Variants in LUZP2 observed in about 807,000 individuals in gnomAD.
The protein encoded by LUZP2 is leucine zipper protein 2.
A neutral mutation model predicts 51.6 loss-of-function variants in LUZP2; 52 were observed. That is an observed-to-expected ratio of 1.01 (90% CI 0.81 to 1.27). The LOEUF (loss-of-function observed/expected upper bound fraction) is 1.27, where lower values mean the gene tolerates loss of function less well. Ranked by LOEUF, LUZP2 falls within the 50% of genes most tolerant of loss-of-function variation. The probability of loss-of-function intolerance (pLI) is 0.00; values close to 1 mark genes in which losing one functional copy is unlikely to be tolerated. For missense variants in LUZP2, 436 were observed against 395.4 expected (o/e 1.10, Z -0.87); for synonymous variants, 154 against 137.3 (o/e 1.12, Z -0.85).
intron 10 of LUZP2, among the ~76,000 whole-genome samples, chr11:25,051,455 C>T (rs1273079104): frequency 6.6e-6 from 1 of 152,138 alleles, no homozygotes; most frequent in South Asian, 2.1e-4. Flanking sequence ...AATTTACTTC[C>T]AAAGGAGGAG....
chr11:24,778,672 G>C (rs1849009225), intron 5 of LUZP2, among the ~76,000 whole-genome samples: 1 of 152,088 alleles, frequency 6.6e-6, no homozygotes, highest in African/African-American at 2.4e-5. Context: ...ACATAAAAAG[G>C]AAGAAAGGAA....
intron 1 of LUZP2, among the ~76,000 whole-genome samples, chr11:24,655,556 A>G (rs890723850): frequency 2.6e-5 from 4 of 152,186 alleles, no homozygotes; most frequent in Non-Finnish European, 5.9e-5. Context: ...TAACATGAAA[A>G]TTGGTAAAAT....
At chr11:24,852,499 A>G in intron 5 of LUZP2, among the ~76,000 whole-genome samples, 1 of 152,012 alleles carries the variant, frequency 6.6e-6, no homozygotes, top group East Asian at 1.9e-4. Context: ...CTTATTTTGC[A>G]TTTGCTGAGG....
intron 6 of LUZP2, among the ~76,000 whole-genome samples, chr11:24,911,060 G>T (rs759082438): frequency 2.6e-5 from 4 of 152,154 alleles, no homozygotes; most frequent in Non-Finnish European, 5.9e-5. Flanking sequence ...TAATGACTGC[G>T]CTATTGGCTT....
chr11:24,907,046 C>T (rs1381628486), intron 6 of LUZP2, among the ~76,000 whole-genome samples: 1 of 152,122 alleles, frequency 6.6e-6, no homozygotes, highest in Admixed American at 6.5e-5. Flanking sequence ...TGCCACTATC[C>T]TCTTCCAGCA....
chr11:25,034,014 C>A (rs926300228), intron 9 of LUZP2, among the ~76,000 whole-genome samples: 1 of 152,090 alleles, frequency 6.6e-6, no homozygotes, highest in African/African-American at 2.4e-5. Context: ...GACTCCTTTC[C>A]ACAGCAACTG....
chr11:24,630,926 A>G (rs1854867555), intron 1 of LUZP2, among the ~76,000 whole-genome samples: 2 of 151,774 alleles, frequency 1.3e-5, no homozygotes, highest in Non-Finnish European at 2.9e-5. Flanking sequence ...TACTTGGTTA[A>G]ATATATGTCT....
chr11:24,694,838 G>T (rs564789132), intron 1 of LUZP2, among the ~76,000 whole-genome samples: 1 of 151,602 alleles, frequency 6.6e-6, no homozygotes, highest in South Asian at 2.1e-4. Context: ...ACTAAACGCC[G>T]CATGTTCTCA....
chr11:24,792,324 G>A (rs1269462715), intron 5 of LUZP2, among the ~76,000 whole-genome samples: 1 of 151,920 alleles, frequency 6.6e-6, no homozygotes, highest in East Asian at 1.9e-4. Flanking sequence ...CTACTTGGGA[G>A]GCTGAGGCAG....
chr11:24,626,576 C>G (rs946135434), intron 1 of LUZP2, among the ~76,000 whole-genome samples: 3 of 152,042 alleles, frequency 2.0e-5, no homozygotes, highest in Non-Finnish European at 4.4e-5. Flanking sequence ...GATGGGAGAC[C>G]AGAAATCAAT....
At chr11:25,068,020 A>G (rs1859046266) in intron 10 of LUZP2, among the ~76,000 whole-genome samples, 2 of 152,068 alleles carry the variant, frequency 1.3e-5, no homozygotes, top group African/African-American at 4.8e-5. Context: ...TTGCAGGAAC[A>G]TAGATGAAGC....
chr11:24,886,220 A>T (rs1363467131), intron 5 of LUZP2, among the ~76,000 whole-genome samples: 1 of 152,200 alleles, frequency 6.6e-6, no homozygotes, highest in Non-Finnish European at 1.5e-5. Flanking sequence ...ATTTAGTTTC[A>T]ACTAATTATC....
At chr11:24,691,409 AG>A (rs1857060661) in intron 1 of LUZP2, among the ~76,000 whole-genome samples, 1 of 151,782 alleles carries the variant, frequency 6.6e-6, no homozygotes, top group Non-Finnish European at 1.5e-5. Flanking sequence ...GCTTGTGGTT[AG>A]TTTTGTAAAA....
At chr11:24,714,146 G>A (rs929889991) in intron 1 of LUZP2, among the ~76,000 whole-genome samples, 9 of 151,876 alleles carry the variant, frequency 5.9e-5, no homozygotes, top group Non-Finnish European at 1.2e-4. Context: ...TATGTTGGGG[G>A]TAGGAGGCAA....
chr11:24,696,485 C>T (rs1257390777), intron 1 of LUZP2, among the ~76,000 whole-genome samples: 5 of 152,140 alleles, frequency 3.3e-5, no homozygotes, highest in Admixed American at 2.6e-4. Flanking sequence ...AACTCCGATG[C>T]TTTCAAAAAT....
At chr11:25,062,837 G>C (rs6484103) in intron 10 of LUZP2, among the ~76,000 whole-genome samples, 135,960 of 151,374 alleles carry the variant, frequency 0.9, 62,140 homozygotes, top group Non-Finnish European at 0.97. Context: ...AATAAACATT[G>C]TAAAAACGTT....
intron 1 of LUZP2, among the ~76,000 whole-genome samples, chr11:24,512,994 G>A (rs1317081910): frequency 6.6e-6 from 1 of 152,140 alleles, no homozygotes; most frequent in Non-Finnish European, 1.5e-5. Flanking sequence ...CTGACCTCAG[G>A]TGATCCACCC....
At chr11:24,616,753 T>C (rs1727350603) in intron 1 of LUZP2, among the ~76,000 whole-genome samples, 1 of 152,178 alleles carries the variant, frequency 6.6e-6, no homozygotes, top group Admixed American at 6.5e-5. Flanking sequence ...TCTGACCTTA[T>C]TCTTCTTTTC....
intron 9 of LUZP2, among the ~76,000 whole-genome samples, chr11:25,020,851 C>T (rs1857312875): frequency 6.6e-6 from 1 of 151,826 alleles, no homozygotes; most frequent in Admixed American, 6.6e-5. Context: ...GTAATAGGCA[C>T]ATGATAATGT....
Sources: gnomAD v4.1 joint callset for allele counts (sites outside exome capture counted in the v4.1 genomes callset) on GRCh38, gnomAD v4.1.1 for gene constraint, MANE v1.5 for transcripts, NCBI Gene and HGNC (gene_info 2026-07-23, HGNC 2026-07-21) for gene names.